Variants in TAF12 observed in about 807,000 individuals in gnomAD.
TAF12 encodes TATA-box binding protein associated factor 12.
In TAF12, 3 loss-of-function variants were observed where a neutral mutation model predicts 20.8. That is an observed-to-expected ratio of 0.14 (90% CI 0.07 to 0.37). The LOEUF (loss-of-function observed/expected upper bound fraction) is 0.37, where lower values mean the gene tolerates loss of function less well. Among genes scored for constraint, TAF12 ranks in the 10% least tolerant of loss-of-function variants. The pLI is 1.00. For missense variants in TAF12, 131 were observed against 197.9 expected, an observed-to-expected ratio of 0.66 and a Z score of 2.03; for synonymous variants, 69 against 70.2, an observed-to-expected ratio of 0.98 and a Z score of 0.09.
At chr1:28,605,995 CTTTTTTA>C (rs767831523) in intron 4 of TAF12, among the ~76,000 whole-genome samples, 3 of 151,810 alleles carry the variant, frequency 2.0e-5, no homozygotes, top group Non-Finnish European at 2.9e-5. Flanking sequence ...CCATGCCTGG[CTTTTTTA>C]TTTTTTATTT....
chr1:28,641,244 G>A (rs556654599), intron 1 of TAF12, among the ~76,000 whole-genome samples: 97 of 152,244 alleles, frequency 6.4e-4, no homozygotes, highest in African/African-American at 2.2e-3. Context: ...CACTTCGGGA[G>A]GCTGAGGCGG....
upstream of TAF12, among the ~76,000 whole-genome samples, chr1:28,645,405 T>A (rs189311577): frequency 6.0e-3 from 902 of 149,626 alleles, 28 homozygotes; most frequent in Admixed American, 0.048. Flanking sequence ...ATCCCAGCAC[T>A]TTGGGAGGCT....
intron 4 of TAF12, among the ~76,000 whole-genome samples, chr1:28,612,142 T>G (rs940741631): frequency 6.6e-6 from 1 of 152,148 alleles, no homozygotes; most frequent in Non-Finnish European, 1.5e-5. Context: ...CTCATTCATT[T>G]GGCCTGTCTC....
chr1:28,615,099 T>G (rs1161672333), intron 3 of TAF12, among the ~76,000 whole-genome samples: 1 of 152,018 alleles, frequency 6.6e-6, no homozygotes, highest in Non-Finnish European at 1.5e-5. Context: ...ACAGACACCT[T>G]GTCTCAAAAA....
At position 28,621,981 on chromosome 1, in the gene TAF12, C is replaced by A. The variant is rs1411704002; in HGVS notation, c.101G>T (p.Ser34Ile). The change falls in exon 2 of 6, where the codon AGT (serine) becomes ATT (isoleucine). Residue 34 changes from serine (S) to isoleucine (I), a missense_variant. By Grantham distance (142) the Ser-to-Ile change is moderately radical. Around this residue, in one of 3 missense-constraint regions of TAF12, gnomAD observed 63 missense variants for 72.1 expected, o/e 0.87. Transcript: ENST00000373824. ...STPPQGSMAN[S>I]TAVVKIPGTP... ...GCCTGGTATCTTTACCACTGCAGTACTATTGGCCATGGAGCCTTGTGGAGG... is the reference window on the plus strand; with the variant it reads ...GCCTGGTATCTTTACCACTGCAGTAATATTGGCCATGGAGCCTTGTGGAGG... 1 of 1,614,082 alleles carries A rather than the reference C, an allele frequency of 6.2e-7. No individual in the cohort carries two copies. The highest frequency in any genetic ancestry group is 2.2e-5 in the East Asian group (1 of 44,882).
At chr1:28,628,228 T>TGGGG (rs760486849) in intron 1 of TAF12, among the ~76,000 whole-genome samples, 5 of 3,872 alleles carry the variant, frequency 1.3e-3, no homozygotes, top group South Asian at 8.8e-3. Context: ...GTGCAGGGGG[T>TGGGG]GGGGGGGGGG....
At chr1:28,639,538 C>T (rs1033266765) in intron 1 of TAF12, among the ~76,000 whole-genome samples, 22 of 151,156 alleles carry the variant, frequency 1.5e-4, no homozygotes, top group African/African-American at 5.1e-4. Flanking sequence ...AATAAGTCAA[C>T]GCTAGAGCCA....
At chr1:28,619,075 G>A (rs1266770728) in intron 2 of TAF12, among the ~76,000 whole-genome samples, 1 of 151,872 alleles carries the variant, frequency 6.6e-6, no homozygotes, top group African/African-American at 2.4e-5. Flanking sequence ...AAAAGGGCCT[G>A]GCACAGTGGC....
intron 1 of TAF12, among the ~76,000 whole-genome samples, chr1:28,628,599 T>TA (rs889656030): frequency 4.6e-4 from 67 of 145,778 alleles, no homozygotes; most frequent in South Asian, 8.6e-4. Context: ...CTGATTATAT[T>TA]AAAAAAAAAA....
chr1:28,635,040 G>C (rs1290218830), intron 1 of TAF12, among the ~76,000 whole-genome samples: 12 of 150,914 alleles, frequency 8.0e-5, no homozygotes, highest in Admixed American at 7.3e-4. Context: ...CTGGCTAACA[G>C]GGTGAAACCT....
intron 5 of TAF12, 136 bp from the exon 6 acceptor site, chr1:28,603,710 T>C: frequency 1.3e-6 from 1 of 795,432 alleles, no homozygotes. Flanking sequence ...TCACAAGGCA[T>C]CTCAGTAGAT....
chr1:28,621,859 A>G, intron 2 of TAF12, 55 bp downstream of exon 2: 2 of 1,589,958 alleles, frequency 1.3e-6, no homozygotes, highest in South Asian at 1.2e-5. Flanking sequence ...AGTATTACAG[A>G]TTGAAATAAT....
intron 1 of TAF12, among the ~76,000 whole-genome samples, chr1:28,629,707 C>G (rs867108966): frequency 3.9e-5 from 6 of 151,926 alleles, no homozygotes; most frequent in Non-Finnish European, 5.9e-5. Flanking sequence ...GTGGTGAAAT[C>G]ACAGCTCACT....
intron 3 of TAF12, among the ~76,000 whole-genome samples, chr1:28,615,041 C>T (rs148112409): frequency 1.1e-4 from 17 of 151,080 alleles, no homozygotes; most frequent in African/African-American, 3.6e-4. Context: ...TCCAGTTAGT[C>T]GAGACTACAG....
chr1:28,608,561 C>T (rs897661659), intron 4 of TAF12, among the ~76,000 whole-genome samples: 12 of 151,944 alleles, frequency 7.9e-5, no homozygotes, highest in African/African-American at 2.7e-4. Flanking sequence ...GGAGACCAGC[C>T]TGGGCAACAC....
intron 4 of TAF12, among the ~76,000 whole-genome samples, chr1:28,607,656 A>G (rs1666712427): frequency 6.6e-6 from 1 of 151,984 alleles, no homozygotes; most frequent in Non-Finnish European, 1.5e-5. Context: ...TAGGTGACAG[A>G]GCGAGACTCC....
At chr1:28,645,339 C>CTT (rs1171697773), upstream of TAF12, among the ~76,000 whole-genome samples, 5 of 137,698 alleles carry the variant, frequency 3.6e-5, no homozygotes, top group Admixed American at 7.3e-5. Flanking sequence ...CCGGCCTCTT[C>CTT]TTTTTTTTTT....
At chr1:28,607,271 C>A (rs1448683800) in intron 4 of TAF12, among the ~76,000 whole-genome samples, 1 of 152,238 alleles carries the variant, frequency 6.6e-6, no homozygotes, top group Non-Finnish European at 1.5e-5. Context: ...GTGGCTCATT[C>A]CTGTAATCTC....
At chr1:28,626,564 A>G (rs1361760281) in intron 1 of TAF12, among the ~76,000 whole-genome samples, 1 of 149,104 alleles carries the variant, frequency 6.7e-6, no homozygotes, top group Non-Finnish European at 1.5e-5. Flanking sequence ...CCGCGCAACA[A>G]GAGTGAAACT....
Sources: gnomAD v4.1 joint callset for allele counts (sites outside exome capture counted in the v4.1 genomes callset) on GRCh38, gnomAD v4.1.1 for gene constraint, gnomAD v4.1.1 regional missense constraint, MANE v1.5 for transcripts, NCBI Gene and HGNC (gene_info 2026-07-23, HGNC 2026-07-21) for gene names.